The following TAFA5 variants were observed in gnomAD, a reference collection of about 807,000 sequenced individuals.
The protein encoded by TAFA5 is chemokine-like protein TAFA-5.
A neutral mutation model predicts 15.3 loss-of-function variants in TAFA5; 6 were observed. The observed-to-expected ratio is 0.39, with a 90% confidence interval of 0.21 to 0.77. The LOEUF is 0.77. Among genes scored for constraint, TAFA5 ranks in the 30% least tolerant of loss-of-function variants. TAFA5 has a pLI of 0.41. For synonymous variants in TAFA5, 103 were observed against 80.7 expected, an observed-to-expected ratio of 1.28 and a Z score of -1.48; for missense variants, 161 against 193.1, an observed-to-expected ratio of 0.83 and a Z score of 0.98.
At chr22:48,655,503 G>A (rs1324246986) in intron 2 of TAFA5, among the ~76,000 whole-genome samples, 1 of 152,192 alleles carries the variant, frequency 6.6e-6, no homozygotes, top group Non-Finnish European at 1.5e-5. Context: ...TCACGTGGTG[G>A]AAGGTGGAAG....
chr22:48,573,547 G>A (rs540854499), intron 1 of TAFA5, among the ~76,000 whole-genome samples: 1 of 152,266 alleles, frequency 6.6e-6, no homozygotes, highest in Admixed American at 6.5e-5. Context: ...AGCCCTACAC[G>A]AGGTTCTTGA....
intron 1 of TAFA5, among the ~76,000 whole-genome samples, chr22:48,502,876 T>C (rs1301173362): frequency 6.6e-6 from 1 of 152,194 alleles, no homozygotes; most frequent in African/African-American, 2.4e-5. Flanking sequence ...TCAAATGGCT[T>C]CTCTTCTGTA....
chr22:48,707,808 G>C lies in TAFA5; in HGVS notation c.354G>C (p.Thr118=), dbSNP rs748186340. Residue 118 remains threonine, a synonymous_variant, in exon 3 of 4, where the codon ACG becomes ACC. Transcript: ENST00000402357. ...TGTTAATCAACCGGTCAGGCTGGAC[G>C]TGCACGCAGCCCGGCGGGAGGATAA... ...CDLLINRSGW[T]CTQPGGRIKT... is the part of the protein sequence containing the mutation. 1 of 1,613,808 alleles carries C rather than the reference G, an allele frequency of 6.2e-7. No homozygotes were observed. The highest frequency in any genetic ancestry group is 1.1e-5 in the South Asian group (1 of 91,076).
intron 1 of TAFA5, among the ~76,000 whole-genome samples, chr22:48,538,408 G>C (rs931233889): frequency 4.6e-5 from 7 of 152,224 alleles, no homozygotes; most frequent in Non-Finnish European, 1.0e-4. Context: ...CGAGGTAGTT[G>C]GGTATTGGCT....
chr22:48,627,608 G>A (rs1476986165), intron 1 of TAFA5, among the ~76,000 whole-genome samples: 1 of 152,262 alleles, frequency 6.6e-6, no homozygotes, highest in Non-Finnish European at 1.5e-5. Context: ...GCGAGTAGCA[G>A]GATGGAAACT....
At chr22:48,580,823 G>T (rs1221985077) in intron 1 of TAFA5, among the ~76,000 whole-genome samples, 3 of 152,338 alleles carry the variant, frequency 2.0e-5, no homozygotes, top group African/African-American at 4.8e-5. Context: ...GACTGCGTGT[G>T]GAGGGGTGCT....
At chr22:48,681,789 A>G (rs188170304) in intron 2 of TAFA5, among the ~76,000 whole-genome samples, 1 of 152,162 alleles carries the variant, frequency 6.6e-6, no homozygotes, top group Non-Finnish European at 1.5e-5. Flanking sequence ...TCCTTCTTGC[A>G]CACACTCCGG....
intron 1 of TAFA5, among the ~76,000 whole-genome samples, chr22:48,583,339 A>G (rs1924168579): frequency 6.8e-6 from 1 of 147,738 alleles, no homozygotes; most frequent in Non-Finnish European, 1.5e-5. Context: ...TACGCACACC[A>G]GTGCACACCA....
intron 3 of TAFA5, among the ~76,000 whole-genome samples, chr22:48,738,967 A>G (rs1930106678): frequency 6.6e-6 from 1 of 152,216 alleles, no homozygotes. Context: ...CACCCCTCGT[A>G]TGAGCATCTC....
intron 1 of TAFA5, among the ~76,000 whole-genome samples, chr22:48,520,675 G>A (rs1253872786): frequency 6.6e-6 from 1 of 152,174 alleles, no homozygotes; most frequent in African/African-American, 2.4e-5. Flanking sequence ...GCAGAGCCGG[G>A]GGTGGCCTGA....
At chr22:48,707,140 G>C (rs1929103053) in intron 2 of TAFA5, among the ~76,000 whole-genome samples, 1 of 152,100 alleles carries the variant, frequency 6.6e-6, no homozygotes, top group Non-Finnish European at 1.5e-5. Context: ...CCGGCCCCAG[G>C]GGTCAGCCGG....
intron 1 of TAFA5, among the ~76,000 whole-genome samples, chr22:48,621,418 A>G (rs5771965): frequency 0.84 from 127,857 of 151,818 alleles, 54,322 homozygotes; most frequent in African/African-American, 0.95. Context: ...TGGCATCAGC[A>G]GATATGCCCA....
intron 1 of TAFA5, among the ~76,000 whole-genome samples, chr22:48,604,456 G>A (rs965114881): frequency 6.6e-6 from 1 of 152,202 alleles, no homozygotes; most frequent in East Asian, 1.9e-4. Flanking sequence ...GATGGCTCCC[G>A]CCCAGCAGGG....
chr22:48,544,634 C>G, intron 1 of TAFA5: 1 of 461,264 alleles, frequency 2.2e-6, no homozygotes, highest in South Asian at 1.6e-5. Context: ...TGCATTTCCA[C>G]CCCCCTTCTT....
At chr22:48,620,384 CTTAA>C (rs1327102040) in intron 1 of TAFA5, among the ~76,000 whole-genome samples, 1 of 152,114 alleles carries the variant, frequency 6.6e-6, no homozygotes, top group Non-Finnish European at 1.5e-5. Context: ...CATATTTTGA[CTTAA>C]TTGTCTCAGA....
At chr22:48,494,406 A>T (rs1367877587) in intron 1 of TAFA5, among the ~76,000 whole-genome samples, 7 of 152,188 alleles carry the variant, frequency 4.6e-5, no homozygotes, top group Admixed American at 4.6e-4. Context: ...CCCAGCATTC[A>T]GGGTGGAGAT....
rs561301236 is a variant in TAFA5, at chr22:48,718,938, AC to A, written c.390+11097del. Among the ~76,000 whole-genome samples the A allele has an allele frequency of 1.1e-3, 174 of 152,224 alleles. 2 individuals carry two copies. Among genetic ancestry groups the A allele is most frequent in the African/African-American group, 3.8e-3 (159 of 41,540 alleles). On this transcript the variant is annotated intron_variant, in intron 3 of 3. Coordinates refer to ENST00000402357, the MANE Select transcript of TAFA5 (RefSeq NM_001082967.3). ...TCACTGTCACCATGGCTGAGGGCCC[AC>A]CCTGCCCTCCACCATCTGTCTGTCC...
intron 1 of TAFA5, among the ~76,000 whole-genome samples, chr22:48,501,743 T>A (rs1396846251): frequency 6.6e-6 from 1 of 152,024 alleles, no homozygotes; most frequent in Non-Finnish European, 1.5e-5. Flanking sequence ...GCCCCAGGGG[T>A]GTGGCGGAGT....
chr22:48,671,294 C>T (rs1267716027), intron 2 of TAFA5, among the ~76,000 whole-genome samples: 5 of 152,228 alleles, frequency 3.3e-5, no homozygotes, highest in African/African-American at 9.6e-5. Context: ...GAGCACCGAA[C>T]GGAGCCAAGT....
Sources: gnomAD v4.1 joint callset for allele counts (sites outside exome capture counted in the v4.1 genomes callset) on GRCh38, gnomAD v4.1.1 for gene constraint, MANE v1.5 for transcripts, NCBI Gene and HGNC (gene_info 2026-07-23, HGNC 2026-07-21) for gene names.